CTNNA3: variants seen among roughly 807,000 people sequenced by gnomAD.
CTNNA3 encodes catenin alpha-3.
In CTNNA3, 76 loss-of-function variants were observed where a neutral mutation model predicts 95.7. That is an observed-to-expected ratio of 0.79 (90% CI 0.66 to 0.96). CTNNA3 has a LOEUF of 0.96. Among genes scored for constraint, CTNNA3 ranks in the 40% least tolerant of loss-of-function variants. The pLI is 0.00. For synonymous variants in CTNNA3, 431 were observed against 374.4 expected, an observed-to-expected ratio of 1.15 and a Z score of -1.74; for missense variants, 1,191 against 1,089.8, an observed-to-expected ratio of 1.09 and a Z score of -1.31.
At chr10:66,410,170 T>C (rs2093091805) in intron 11 of CTNNA3, among the ~76,000 whole-genome samples, 1 of 152,230 alleles carries the variant, frequency 6.6e-6, no homozygotes, top group Non-Finnish European at 1.5e-5. Context: ...ACTAAATACA[T>C]TTAAGGATGG....
intron 9 of CTNNA3, among the ~76,000 whole-genome samples, chr10:66,740,589 C>A (rs549802426): frequency 6.6e-6 from 1 of 152,280 alleles, no homozygotes; most frequent in East Asian, 1.9e-4. Flanking sequence ...CTGTTCATTT[C>A]TCTTTTGCTT....
At chr10:66,518,375 T>C (rs925507285) in intron 11 of CTNNA3, among the ~76,000 whole-genome samples, 35 of 152,258 alleles carry the variant, frequency 2.3e-4, no homozygotes, top group Middle Eastern at 3.4e-3. Flanking sequence ...AGTATTACTA[T>C]GCTAAACTAC....
At chr10:67,436,546 T>A (rs891864698) in intron 5 of CTNNA3, among the ~76,000 whole-genome samples, 2 of 151,420 alleles carry the variant, frequency 1.3e-5, no homozygotes, top group Non-Finnish European at 2.9e-5. Flanking sequence ...AACCACAGAG[T>A]GGGAGAAAAT....
chr10:67,528,488 T>A (rs1018544045), intron 4 of CTNNA3, among the ~76,000 whole-genome samples: 1 of 152,162 alleles, frequency 6.6e-6, no homozygotes, highest in Non-Finnish European at 1.5e-5. Flanking sequence ...TCAGGACTAT[T>A]ACAAGTCTTT....
At chr10:67,097,725 G>C in intron 7 of CTNNA3, 1 of 1,612,636 alleles carries the variant, frequency 6.2e-7, no homozygotes, top group Non-Finnish European at 8.5e-7. Context: ...AACACACCTA[G>C]AGACTGAGCT....
intron 5 of CTNNA3, among the ~76,000 whole-genome samples, chr10:67,255,887 G>T (rs1029332690): frequency 2.0e-5 from 3 of 152,060 alleles, no homozygotes; most frequent in Admixed American, 2.0e-4. Context: ...TCAACCAGCA[G>T]AAAACACTCT....
intron 5 of CTNNA3, among the ~76,000 whole-genome samples, chr10:67,403,574 G>A (rs1055789890): frequency 6.6e-6 from 1 of 152,202 alleles, no homozygotes; most frequent in Non-Finnish European, 1.5e-5. Context: ...CTGTGATGGA[G>A]TGCCCAGGGG....
At chr10:66,181,142 G>A (rs561098977) in intron 13 of CTNNA3, among the ~76,000 whole-genome samples, 1 of 152,212 alleles carries the variant, frequency 6.6e-6, no homozygotes, top group African/African-American at 2.4e-5. Flanking sequence ...GACTTATGTG[G>A]ACTTCAAAAT....
At chr10:67,071,251 A>G (rs1856434195) in intron 7 of CTNNA3, among the ~76,000 whole-genome samples, 1 of 151,732 alleles carries the variant, frequency 6.6e-6, no homozygotes, top group South Asian at 2.1e-4. Context: ...TCTACTTACA[A>G]CAATTCCCTT....
intron 5 of CTNNA3, among the ~76,000 whole-genome samples, chr10:67,426,142 G>T (rs1228610717): frequency 6.6e-6 from 1 of 152,050 alleles, no homozygotes; most frequent in African/African-American, 2.4e-5. Context: ...CAAATGAGTA[G>T]AAGAAGCAGA....
At chr10:65,953,388 T>C (rs1478522358) in intron 17 of CTNNA3, among the ~76,000 whole-genome samples, 1 of 147,904 alleles carries the variant, frequency 6.8e-6, no homozygotes, top group African/African-American at 2.7e-5. Context: ...TTTTTTAGTG[T>C]TTTTTCTTTT....
chr10:67,119,985 C>T (rs1419529755), intron 7 of CTNNA3, among the ~76,000 whole-genome samples: 1 of 151,802 alleles, frequency 6.6e-6, no homozygotes, highest in East Asian at 1.9e-4. Context: ...AAAATGAGAA[C>T]ATTTCCATAT....
chr10:66,285,108 C>T (rs2132172374), intron 12 of CTNNA3, among the ~76,000 whole-genome samples: 1 of 151,730 alleles, frequency 6.6e-6, no homozygotes, highest in Middle Eastern at 3.4e-3. Flanking sequence ...TACTGACCTA[C>T]TCTGATCCTT....
chr10:67,511,884 G>C (rs192319113), intron 5 of CTNNA3, among the ~76,000 whole-genome samples: 3 of 152,240 alleles, frequency 2.0e-5, no homozygotes, highest in Admixed American at 2.0e-4. Context: ...CCTGATATTG[G>C]TCTATTCAGA....
intron 7 of CTNNA3, among the ~76,000 whole-genome samples, chr10:66,884,260 C>T: frequency 6.6e-6 from 1 of 152,112 alleles, no homozygotes; most frequent in Non-Finnish European, 1.5e-5. Flanking sequence ...ACACCGAAAC[C>T]ATAGCAGGTG....
chr10:66,205,424 A>G (rs2087696418), intron 13 of CTNNA3, among the ~76,000 whole-genome samples: 1 of 152,078 alleles, frequency 6.6e-6, no homozygotes, highest in Middle Eastern at 3.4e-3. Context: ...CATTATACAC[A>G]CCACTATTTT....
At chr10:67,117,526 C>T (rs1859243682) in intron 7 of CTNNA3, among the ~76,000 whole-genome samples, 1 of 151,888 alleles carries the variant, frequency 6.6e-6, no homozygotes, top group South Asian at 2.1e-4. Context: ...TTAAAAATAG[C>T]TGATGAAGAA....
chr10:67,368,942 T>C (rs1843314402), intron 5 of CTNNA3, among the ~76,000 whole-genome samples: 1 of 152,150 alleles, frequency 6.6e-6, no homozygotes, highest in South Asian at 2.1e-4. Context: ...TTTACTATCT[T>C]GACTATGGTG....
intron 7 of CTNNA3, among the ~76,000 whole-genome samples, chr10:66,849,757 A>T (rs1395193669): frequency 6.6e-6 from 1 of 152,134 alleles, no homozygotes; most frequent in East Asian, 1.9e-4. Context: ...AGATACCTTA[A>T]TTTCAGACTT....
Sources: allele counts gnomAD v4.1 joint callset (sites outside exome capture counted in the v4.1 genomes callset), GRCh38; gene constraint gnomAD v4.1.1; transcripts MANE v1.5; gene names NCBI Gene and HGNC (gene_info 2026-07-23, HGNC 2026-07-21).